Variants in CNTN5 observed in about 807,000 individuals in gnomAD.
The protein encoded by CNTN5 is contactin 5.
A neutral mutation model predicts 129.1 loss-of-function variants in CNTN5; 77 were observed. The observed-to-expected ratio is 0.60, with a 90% CI of 0.50 to 0.72. The LOEUF is 0.72. Among genes scored for constraint, CNTN5 ranks in the 30% least tolerant of loss-of-function variants. The probability of loss-of-function intolerance (pLI) is 0.00; values close to 1 mark genes in which losing one functional copy is unlikely to be tolerated. For synonymous variants in CNTN5, 509 were observed against 465.6 expected, an observed-to-expected ratio of 1.09 and a Z score of -1.20; for missense variants, 1,478 against 1,328.8, an observed-to-expected ratio of 1.11 and a Z score of -1.75.
intron 1 of CNTN5, among the ~76,000 whole-genome samples, chr11:99,132,009 G>A (rs1858965159): frequency 6.6e-6 from 1 of 151,872 alleles, no homozygotes; most frequent in African/African-American, 2.4e-5. Flanking sequence ...CAATAAAATA[G>A]GACAAACTGA....
chr11:99,524,429 A>G (rs1382463844), intron 2 of CNTN5, among the ~76,000 whole-genome samples: 1 of 152,320 alleles, frequency 6.6e-6, no homozygotes, highest in East Asian at 1.9e-4. Context: ...TTAAATCTCT[A>G]AAACCAACTA....
At chr11:99,193,004 C>G (rs1858723364) in intron 1 of CNTN5, among the ~76,000 whole-genome samples, 1 of 152,010 alleles carries the variant, frequency 6.6e-6, no homozygotes, top group African/African-American at 2.4e-5. Context: ...AAGTGATAAT[C>G]TCATTATGAA....
intron 1 of CNTN5, among the ~76,000 whole-genome samples, chr11:99,318,894 C>A (rs1160016976): frequency 6.6e-6 from 1 of 152,142 alleles, no homozygotes; most frequent in East Asian, 1.9e-4. Flanking sequence ...TTTTAAATAT[C>A]CTTGAAAAGA....
chr11:99,379,180 C>CT (rs11423891), intron 2 of CNTN5, among the ~76,000 whole-genome samples: 103,599 of 144,092 alleles, frequency 0.72, 37,382 homozygotes, highest in East Asian at 0.82. Flanking sequence ...AATTTTGTTT[C>CT]TTTTTTTTTT....
At chr11:99,063,002 T>C (rs538177612) in intron 1 of CNTN5, among the ~76,000 whole-genome samples, 1 of 152,210 alleles carries the variant, frequency 6.6e-6, no homozygotes, top group East Asian at 1.9e-4. Context: ...GGAAAAGAAT[T>C]ACACGTCAAC....
chr11:100,064,904 G>C (rs10501941), intron 10 of CNTN5, among the ~76,000 whole-genome samples: 20,854 of 152,018 alleles, frequency 0.14, 1,519 homozygotes, highest in Non-Finnish European at 0.16. Context: ...AGTTTTATAA[G>C]GAGTTCTCAA....
intron 1 of CNTN5, among the ~76,000 whole-genome samples, chr11:99,250,856 C>T (rs1862064283): frequency 6.6e-6 from 1 of 151,850 alleles, no homozygotes; most frequent in Non-Finnish European, 1.5e-5. Flanking sequence ...ATTTCCCTTA[C>T]ATCTCTTAAA....
chr11:99,478,864 C>A (rs1267404251), intron 2 of CNTN5, among the ~76,000 whole-genome samples: 1 of 152,070 alleles, frequency 6.6e-6, no homozygotes, highest in Non-Finnish European at 1.5e-5. Flanking sequence ...TTCTATTACA[C>A]AGAGCAAATG....
At chr11:99,656,453 C>T (rs144577278) in intron 3 of CNTN5, among the ~76,000 whole-genome samples, 3 of 151,992 alleles carry the variant, frequency 2.0e-5, no homozygotes, top group Non-Finnish European at 4.4e-5. Context: ...AAGCGCCAGG[C>T]GTAAGAGGAA....
intron 13 of CNTN5, among the ~76,000 whole-genome samples, chr11:100,087,699 CT>C (rs1413000080): frequency 6.6e-6 from 1 of 151,930 alleles, no homozygotes; most frequent in Admixed American, 6.6e-5. Context: ...CAACATCCTA[CT>C]TAGAGCATTA....
At chr11:100,195,120 A>G (rs1199808059) in intron 15 of CNTN5, among the ~76,000 whole-genome samples, 1 of 152,032 alleles carries the variant, frequency 6.6e-6, no homozygotes, top group Non-Finnish European at 1.5e-5. Flanking sequence ...ACATTTTATA[A>G]CATGGATGTT....
At chr11:100,197,737 A>G (rs1948681974) in intron 15 of CNTN5, among the ~76,000 whole-genome samples, 1 of 152,022 alleles carries the variant, frequency 6.6e-6, no homozygotes, top group Non-Finnish European at 1.5e-5. Context: ...ATGCATAAAG[A>G]AGTGTTACAC....
In CNTN5 at chr11:99,678,574, A is replaced by G. The variant is rs145733998; in HGVS notation, c.55+122305A>G. Among the ~76,000 whole-genome samples the G allele has an allele frequency of 2.4e-3, 371 of 152,216 alleles. 2 individuals carry two copies. Among genetic ancestry groups the G allele is most frequent in the African/African-American group, 8.5e-3 (352 of 41,556 alleles). On this transcript the variant is annotated intron_variant, in intron 3 of 24. Transcript: ENST00000524871. ...ATTAACTCTAAACAGAAAATTACACACAAAATCACATCAGTGCTTTGACCA... is the reference window on the plus strand; with the variant it reads ...ATTAACTCTAAACAGAAAATTACACGCAAAATCACATCAGTGCTTTGACCA...
intron 2 of CNTN5, among the ~76,000 whole-genome samples, chr11:99,341,921 AAC>A (rs1458008018): frequency 6.6e-6 from 1 of 152,172 alleles, no homozygotes; most frequent in Admixed American, 6.5e-5. Flanking sequence ...TAGTAAAGAA[AAC>A]ACTGATGTAA....
intron 3 of CNTN5, among the ~76,000 whole-genome samples, chr11:99,568,045 G>A (rs1387654821): frequency 6.6e-6 from 1 of 152,202 alleles, no homozygotes; most frequent in East Asian, 1.9e-4. Context: ...CAGTGTATTG[G>A]AGATTAAAGA....
At chr11:99,163,718 A>G (rs1229475930) in intron 1 of CNTN5, among the ~76,000 whole-genome samples, 4 of 152,216 alleles carry the variant, frequency 2.6e-5, no homozygotes, top group African/African-American at 7.2e-5. Context: ...AATAATCCAT[A>G]TAAGAATTAC....
chr11:100,056,270 C>T lies in CNTN5; in HGVS notation c.981-4942C>T, dbSNP rs545486666. Among the ~76,000 whole-genome samples the T allele has an allele frequency of 3.3e-4, 50 of 151,466 alleles. No individual in the cohort carries two copies. In the Middle Eastern group the frequency reaches 0.017, roughly 52 times the overall value. Reference sequence around the variant, plus strand: ...TCTGTATTTTGTGATTCTGGGATAACTGAATAAGAACAATTTAATAAATTG... The same window carrying T: ...TCTGTATTTTGTGATTCTGGGATAATTGAATAAGAACAATTTAATAAATTG... On this transcript the variant is annotated intron_variant, in intron 9 of 24. Coordinates refer to ENST00000524871, the MANE Select transcript of CNTN5 (RefSeq NM_014361.4).
intron 6 of CNTN5, among the ~76,000 whole-genome samples, chr11:99,861,812 G>A (rs1034922429): frequency 1.3e-5 from 2 of 152,050 alleles, no homozygotes; most frequent in African/African-American, 4.8e-5. Flanking sequence ...TTAGAAATTA[G>A]GGATATTCAA....
chr11:99,453,280 T>C (rs1171071918), intron 2 of CNTN5, among the ~76,000 whole-genome samples: 5 of 152,184 alleles, frequency 3.3e-5, no homozygotes, highest in Non-Finnish European at 5.9e-5. Flanking sequence ...TTACTAATCG[T>C]ATAACAATTG....
Sources: gnomAD v4.1 joint callset for allele counts (sites outside exome capture counted in the v4.1 genomes callset) on GRCh38, gnomAD v4.1.1 for gene constraint, MANE v1.5 for transcripts, NCBI Gene and HGNC (gene_info 2026-07-23, HGNC 2026-07-21) for gene names.